The following PDGFRA variants were observed in gnomAD, a reference collection of about 807,000 sequenced individuals.
The protein encoded by PDGFRA is platelet derived growth factor receptor alpha.
A neutral mutation model predicts 121.5 loss-of-function variants in PDGFRA; 25 were observed. The observed-to-expected ratio is 0.21, with a 90% CI of 0.15 to 0.29. The LOEUF (loss-of-function observed/expected upper bound fraction) is 0.29, where lower values mean the gene tolerates loss of function less well. PDGFRA is among the 10% of genes least tolerant of loss of function. The pLI is 1.00. For synonymous variants in PDGFRA, 463 were observed against 494.8 expected (o/e 0.94, Z 0.85); for missense variants, 1,008 against 1,345.1 (o/e 0.75, Z 3.92).
rs530205283 is a variant in PDGFRA, at chr4:54,274,783, A to T, written c.1654-58A>T. 1.8e-4 allele frequency: 284 copies of T among 1,598,346 alleles called. 7 individuals carry two copies. In the South Asian group the frequency reaches 3.0e-3, roughly 17 times the overall value. On this transcript the variant is annotated intron_variant, in intron 11 of 22. Coordinates refer to ENST00000257290, the MANE Select transcript of PDGFRA (RefSeq NM_006206.6). ...TCCAGTCACTGTGCTGCTTCAGTGAAGCTCTGGTGCACTGGGACTTTGGTA... is the reference window on the plus strand; with the variant it reads ...TCCAGTCACTGTGCTGCTTCAGTGATGCTCTGGTGCACTGGGACTTTGGTA...
At chr4:54,261,750 A>G (rs1013463859) in intron 3 of PDGFRA, among the ~76,000 whole-genome samples, 1 of 151,660 alleles carries the variant, frequency 6.6e-6, no homozygotes, top group African/African-American at 2.4e-5. Flanking sequence ...TGAGTACACA[A>G]AAATTAATAG....
At chr4:54,266,197 G>A (rs1271196167) in intron 5 of PDGFRA, among the ~76,000 whole-genome samples, 1 of 151,980 alleles carries the variant, frequency 6.6e-6, no homozygotes, top group Non-Finnish European at 1.5e-5. Flanking sequence ...CCAAACCGAA[G>A]TACATGCTAT....
At chr4:54,244,262 C>A (rs1721486115) in intron 1 of PDGFRA, among the ~76,000 whole-genome samples, 1 of 152,222 alleles carries the variant, frequency 6.6e-6, no homozygotes. Context: ...CAGACTGCCT[C>A]CTCAAGTGGG....
chr4:54,246,473 T>C (rs186273251), intron 1 of PDGFRA, among the ~76,000 whole-genome samples: 18 of 152,084 alleles, frequency 1.2e-4, no homozygotes, highest in Non-Finnish European at 2.2e-4. Context: ...GACTACTGGG[T>C]ACATAACGAA....
chr4:54,287,422 C>T lies in PDGFRA; in HGVS notation c.2563-8C>T, dbSNP rs1060504247. 4 of 1,148,110 alleles carry T rather than the reference C, an allele frequency of 3.5e-6. No individual in the cohort carries two copies. Among genetic ancestry groups the T allele is most frequent in the Non-Finnish European group, 5.3e-6 (4 of 754,386 alleles). The allele number at this position is 1,148,110 out of a possible 1,614,324, so 71.1% of individuals were successfully genotyped here. ...CATGGGTTTAACTGTCTCCCTCCTT[C>T]CTTGCAGACCTTTCTGCCCGTGAAG... On this transcript the variant is annotated splice_region_variant and splice_polypyrimidine_tract_variant and intron_variant, in intron 18 of 22. Transcript: ENST00000257290.
chr4:54,293,287 G>C (rs1224591053), intron 22 of PDGFRA, among the ~76,000 whole-genome samples: 1 of 152,072 alleles, frequency 6.6e-6, no homozygotes, highest in Non-Finnish European at 1.5e-5. Flanking sequence ...AGTTAGTCTA[G>C]GAACTTAACC....
At chr4:54,270,091 C>T (rs1395924034) in intron 7 of PDGFRA, among the ~76,000 whole-genome samples, 1 of 152,134 alleles carries the variant, frequency 6.6e-6, no homozygotes, top group African/African-American at 2.4e-5. Context: ...GAAACATCTT[C>T]ATTAGTTTCA....
At chr4:54,284,564 C>CAGAGAGAGAGAGAGAGAGAGAGAG (rs59292448) in intron 16 of PDGFRA, among the ~76,000 whole-genome samples, 1 of 55,880 alleles carries the variant, frequency 1.8e-5, no homozygotes, top group African/African-American at 4.1e-5. Context: ...GAGAGAGAGA[C>CAGAGAGAGAGAGAGAGAGAGAGAG]AGAGAGAGAG....
chr4:54,287,100 C>T (rs1227838893), intron 18 of PDGFRA, among the ~76,000 whole-genome samples: 2 of 152,070 alleles, frequency 1.3e-5, no homozygotes, highest in Non-Finnish European at 2.9e-5. Context: ...AGTTTTGTTC[C>T]CAGGAATATC....
chr4:54,236,637 A>G (rs961562395), intron 1 of PDGFRA, among the ~76,000 whole-genome samples: 7 of 152,138 alleles, frequency 4.6e-5, no homozygotes, highest in Non-Finnish European at 1.0e-4. Flanking sequence ...CCCTGTCTGT[A>G]CTAAAAATAC....
intron 8 of PDGFRA, 29 bp from the exon 9 acceptor site, chr4:54,272,365 C>T (rs757732959): frequency 6.2e-7 from 1 of 1,613,178 alleles, no homozygotes; most frequent in Non-Finnish European, 8.5e-7. Flanking sequence ...ACGAGCTATT[C>T]CATTCTGACT....
chr4:54,280,610 A>G, intron 16 of PDGFRA, 128 bp downstream of exon 16: 1 of 727,596 alleles, frequency 1.4e-6, no homozygotes, highest in South Asian at 1.5e-5. Context: ...CTCTAAATGC[A>G]GGTCTGCACA....
At position 54,278,502 on chromosome 4, in the gene PDGFRA, G is replaced by A. The variant is rs2110316888; in HGVS notation, c.2143G>A (p.Glu715Lys). 1 of 1,614,052 alleles carries A rather than the reference G, an allele frequency of 6.2e-7. No homozygotes were observed. Among genetic ancestry groups the A allele is most frequent in the Non-Finnish European group, 8.5e-7 (1 of 1,179,962 alleles). ...TATCTTTGGATTGAACCCTGCTGATGAAAGCACACGGAGGTGGGTGCAAAG... is the reference window on the plus strand; with the variant it reads ...TATCTTTGGATTGAACCCTGCTGATAAAAGCACACGGAGGTGGGTGCAAAG... ...LDIFGLNPADESTRSYVILSF... is the reference protein window; with the variant it reads ...LDIFGLNPADKSTRSYVILSF... Residue 715 changes from glutamate to lysine, a missense_variant, in exon 15 of 23, where the codon GAA becomes AAA. Coordinates refer to ENST00000257290, the MANE Select transcript of PDGFRA (RefSeq NM_006206.6).
chr4:54,288,192 GA>G (rs1248480551), intron 19 of PDGFRA, among the ~76,000 whole-genome samples: 1 of 152,192 alleles, frequency 6.6e-6, no homozygotes, highest in Non-Finnish European at 1.5e-5. Flanking sequence ...AATAGTGTGG[GA>G]AGGCTTCAGA....
intron 16 of PDGFRA, among the ~76,000 whole-genome samples, chr4:54,283,841 A>G (rs1233221840): frequency 1.3e-5 from 2 of 152,152 alleles, no homozygotes; most frequent in Admixed American, 6.5e-5. Context: ...GACTCAAGCA[A>G]TCCTCTCACT....
chr4:54,286,057 T>A (rs2110338867), intron 18 of PDGFRA, 94 bp downstream of exon 18: 1 of 1,302,128 alleles, frequency 7.7e-7, no homozygotes, highest in Non-Finnish European at 1.1e-6. Context: ...TGCCTGTTTT[T>A]TAAAACATCA....
rs760232931 is a variant in PDGFRA, at chr4:54,265,057, C to T, written c.759+8C>T. On this transcript the variant is annotated splice_region_variant and intron_variant, in intron 5 of 22. Transcript: ENST00000257290. ...ACTTACCCTGGAGAAGTGGTAGGTA[C>T]CCTCAAAACGTGCAATGGCTTGGAG... 4 of 1,613,198 alleles carry T rather than the reference C, an allele frequency of 2.5e-6. No individual in the cohort carries two copies. In the African/African-American group the frequency reaches 5.3e-5, roughly 22 times the overall value.
At chr4:54,285,712 G>A (rs147670378) in intron 17 of PDGFRA, 129 bp from the exon 18 acceptor site, 6 of 1,019,180 alleles carry the variant, frequency 5.9e-6, no homozygotes, top group South Asian at 3.8e-5. Context: ...GAGAACCTGG[G>A]AGAAGGCCAG....
chr4:54,253,776 C>T (rs1722197852), intron 1 of PDGFRA, among the ~76,000 whole-genome samples: 1 of 152,120 alleles, frequency 6.6e-6, no homozygotes, highest in African/African-American at 2.4e-5. Context: ...CCTCTGCCTC[C>T]TGGGTTCAAG....
Sources: gnomAD v4.1 joint callset for allele counts (sites outside exome capture counted in the v4.1 genomes callset) on GRCh38, gnomAD v4.1.1 for gene constraint, MANE v1.5 for transcripts, NCBI Gene and HGNC (gene_info 2026-07-23, HGNC 2026-07-21) for gene names.